NEBL: variants seen among roughly 807,000 people sequenced by gnomAD.
NEBL encodes the protein nebulette, also known as LIM and SH3 protein 2.
NEBL carries 122 observed loss-of-function variants against 140.2 expected under a neutral mutation model. The ratio of observed to expected loss-of-function variants is 0.87; its 90% CI spans 0.75 to 1.01. The LOEUF (loss-of-function observed/expected upper bound fraction) is 1.01. Ranked by LOEUF, NEBL falls within the 50% of genes least tolerant of loss-of-function variation. The pLI, the probability that NEBL is intolerant of heterozygous loss-of-function variation, is 0.00. For missense variants in NEBL, 1,365 were observed against 1,231.3 expected (o/e 1.11, Z -1.62); for synonymous variants, 436 against 398.9 (o/e 1.09, Z -1.11).
chr10:21,185,995 A>G (rs1841463595), intron 3 of NEBL, among the ~76,000 whole-genome samples: 1 of 152,026 alleles, frequency 6.6e-6, no homozygotes, highest in Non-Finnish European at 1.5e-5. Flanking sequence ...GTCATCAGAG[A>G]TGTGTGCTAT....
At chr10:21,102,683 TGTATGA>T (rs1252092978) in intron 2 of NEBL, among the ~76,000 whole-genome samples, 4 of 152,208 alleles carry the variant, frequency 2.6e-5, no homozygotes, top group Admixed American at 2.0e-4. Context: ...ACTATTGCAT[TGTATGA>T]GTATAACAAA....
intron 17 of NEBL, 59 bp from the exon 18 acceptor site, chr10:20,826,598 C>T (rs991292250): frequency 1.8e-5 from 23 of 1,292,992 alleles, no homozygotes; most frequent in African/African-American, 1.6e-4. Context: ...GTCCTAGATC[C>T]GCTTCTTAGA....
intron 4 of NEBL, among the ~76,000 whole-genome samples, chr10:20,935,975 G>A (rs762404399): frequency 3.9e-5 from 6 of 152,056 alleles, no homozygotes; most frequent in Non-Finnish European, 7.4e-5. Flanking sequence ...TCAAAATAAC[G>A]TGCCTTCTAA....
In NEBL at chr10:21,002,079, C is replaced by T. The variant is rs16921398; in HGVS notation, c.249+18038G>A. 0.022 allele frequency among the ~76,000 whole-genome samples: 3,396 copies of T among 151,910 alleles called. 486 individuals carry two copies. The East Asian group carries it at 0.41, about 18-fold the overall frequency. On this transcript the variant is annotated intron_variant, in intron 3 of 6. Coordinates refer to the NEBL transcript ENST00000417816. ...TTCTTTTTCAGAGATGAAAGGTACT[C>T]GCTCGATGTAAATGTCAACCTCCAA...
At chr10:20,915,873 G>T (rs1178066675) in intron 4 of NEBL, among the ~76,000 whole-genome samples, 1 of 152,136 alleles carries the variant, frequency 6.6e-6, no homozygotes, top group African/African-American at 2.4e-5. Context: ...TTAAACTTTT[G>T]AATTGGATCT....
chr10:20,891,165 T>A (rs972470454), intron 2 of NEBL, among the ~76,000 whole-genome samples: 2 of 152,194 alleles, frequency 1.3e-5, no homozygotes, highest in Non-Finnish European at 2.9e-5. Flanking sequence ...ACAGATTAAG[T>A]GAAGTTATTT....
intron 12 of NEBL, among the ~76,000 whole-genome samples, chr10:20,842,862 G>A (rs567073800): frequency 6.6e-6 from 1 of 151,862 alleles, no homozygotes; most frequent in African/African-American, 2.4e-5. Context: ...CTATCACCTT[G>A]CCATTCCTCC....
chr10:20,785,240 C>T lies in NEBL; in HGVS notation c.*507G>A. ...GGCCACCAGTCAATATAATTTTAAC[C>T]AGACTGTCCTTCTGCCACTGTTTAC... On this transcript the variant is annotated 3_prime_UTR_variant, in exon 28 of 28. Coordinates refer to ENST00000377122, the MANE Select transcript of NEBL (RefSeq NM_006393.3). The T allele has an allele frequency of 6.0e-6, 1 of 166,738 alleles. No individual in the cohort carries two copies. The highest frequency in any genetic ancestry group is 1.3e-5 in the Non-Finnish European group (1 of 76,536). The allele number at this position is 166,738 out of a possible 1,614,324, so 10.3% of individuals were successfully genotyped here.
chr10:20,937,984 G>C (rs962503423), intron 4 of NEBL, among the ~76,000 whole-genome samples: 6 of 152,204 alleles, frequency 3.9e-5, no homozygotes, highest in Admixed American at 1.3e-4. Context: ...AAGGAGGCCT[G>C]CCTGCCTCTG....
intron 2 of NEBL, among the ~76,000 whole-genome samples, chr10:21,086,205 T>C (rs960499379): frequency 3.3e-5 from 5 of 152,230 alleles, no homozygotes; most frequent in African/African-American, 1.2e-4. Flanking sequence ...TAGGCCCACA[T>C]GAAATAGAGC....
At chr10:20,901,295 G>C (rs1193621562), upstream of NEBL, among the ~76,000 whole-genome samples, 1 of 152,038 alleles carries the variant, frequency 6.6e-6, no homozygotes, top group African/African-American at 2.4e-5. Context: ...TATTTCCTTA[G>C]CAACTGTCAG....
At chr10:21,058,290 A>G (rs377155142) in intron 2 of NEBL, among the ~76,000 whole-genome samples, 19 of 152,298 alleles carry the variant, frequency 1.2e-4, no homozygotes, top group African/African-American at 4.3e-4. Flanking sequence ...GAGAGCATAG[A>G]TATAATCCAT....
intron 2 of NEBL, among the ~76,000 whole-genome samples, chr10:21,136,721 T>C (rs1456102626): frequency 6.6e-6 from 1 of 152,202 alleles, no homozygotes; most frequent in East Asian, 1.9e-4. Flanking sequence ...AGGGTCTCCA[T>C]GTTCCAAAAC....
intron 2 of NEBL, among the ~76,000 whole-genome samples, chr10:21,149,168 A>G (rs1840036854): frequency 6.6e-6 from 1 of 152,204 alleles, no homozygotes; most frequent in Non-Finnish European, 1.5e-5. Flanking sequence ...GGCCCAAGAG[A>G]ACACTGTAGT....
intron 2 of NEBL, among the ~76,000 whole-genome samples, chr10:21,050,563 A>G (rs1257455873): frequency 6.6e-6 from 1 of 152,242 alleles, no homozygotes; most frequent in Admixed American, 6.5e-5. Context: ...AAGCATGAGA[A>G]CAATGAACCA....
rs1037859911 is a variant in NEBL, at chr10:21,173,319, C to A, written c.69+446G>T. Among the ~76,000 whole-genome samples, 8 of 152,038 alleles carry A rather than the reference C, an allele frequency of 5.3e-5. No homozygotes were observed. Among genetic ancestry groups the A allele is most frequent in the Non-Finnish European group, 1.2e-4 (8 of 67,996 alleles). ...GACATATTAATTACTATTTGCCTCTCCCCCTCGCCGCGGTCACAGGAGGCG... is the reference window on the plus strand; with the variant it reads ...GACATATTAATTACTATTTGCCTCTACCCCTCGCCGCGGTCACAGGAGGCG... On this transcript the variant is annotated intron_variant, in intron 1 of 6. Transcript: ENST00000417816. This position sits in a 1 kb window ranked among gnomAD's most constrained non-coding sequence, Gnocchi z 5.7.
At chr10:21,149,694 C>T (rs527642765) in intron 2 of NEBL, among the ~76,000 whole-genome samples, 1 of 152,292 alleles carries the variant, frequency 6.6e-6, no homozygotes, top group African/African-American at 2.4e-5. Flanking sequence ...TTCTGGGAAC[C>T]CTGATTAATA....
intron 2 of NEBL, among the ~76,000 whole-genome samples, chr10:21,079,593 G>A (rs1421048401): frequency 6.6e-6 from 1 of 152,178 alleles, no homozygotes; most frequent in Non-Finnish European, 1.5e-5. Context: ...ACATAGGGAG[G>A]CTCAACAACT....
At chr10:20,791,831 G>C (rs892652592) in intron 26 of NEBL, among the ~76,000 whole-genome samples, 21 of 152,176 alleles carry the variant, frequency 1.4e-4, no homozygotes, top group Non-Finnish European at 2.2e-4. Flanking sequence ...AAGTTCACTG[G>C]GGGGGATGTA....
Sources: allele counts gnomAD v4.1 joint callset (sites outside exome capture counted in the v4.1 genomes callset), GRCh38; gene constraint gnomAD v4.1.1; non-coding constraint Gnocchi (gnomAD v3.1); transcripts MANE v1.5; gene names NCBI Gene and HGNC (gene_info 2026-07-23, HGNC 2026-07-21).